The following MED13L variants were observed in gnomAD, a reference collection of about 807,000 sequenced individuals.
MED13L encodes mediator of RNA polymerase II transcription subunit 13-like.
In MED13L, 7 loss-of-function variants were observed where a neutral mutation model predicts 220.9. That is an observed-to-expected ratio of 0.03 (90% CI 0.02 to 0.06). The LOEUF is 0.06. MED13L is among the 10% of genes least tolerant of loss of function. MED13L has a pLI of 1.00. For missense variants in MED13L, 1,965 were observed against 2,760.5 expected (o/e 0.71, Z 6.46); for synonymous variants, 1,011 against 1,015.2 (o/e 1.00, Z 0.08).
rs780102627 is a variant in MED13L, at chr12:116,006,398, A to C, written c.2252T>G (p.Phe751Cys). The C allele has an allele frequency of 6.2e-7, 1 of 1,613,868 alleles. No homozygotes were observed. The highest frequency in any genetic ancestry group is 1.7e-5 in the Admixed American group (1 of 60,006). Residue 751 changes from phenylalanine to cysteine, a missense_variant, in exon 12 of 31, where the codon TTT becomes TGT. This residue lies in a region of MED13L where 818 missense variants were observed against 1,041.2 expected (regional missense o/e 0.79). Transcript: ENST00000281928. ...SLKKNKSEDG[F>C]GTKDVTTPGH... is the part of the protein sequence containing the mutation. ...TGGTGTAGTGACATCCTTGGTACCA[A>C]ATCCATCCTCTGACTGTATAATAAA...
chr12:116,163,916 T>C (rs1025581546), intron 2 of MED13L, among the ~76,000 whole-genome samples: 8 of 152,132 alleles, frequency 5.3e-5, no homozygotes, highest in Admixed American at 1.3e-4. Context: ...ATCAAATGAA[T>C]AAAGCAGTAA....
rs191744750 is a variant in MED13L, at chr12:116,172,010, T to C, written c.311-60498A>G. On this transcript the variant is annotated intron_variant, in intron 2 of 30. Coordinates refer to ENST00000281928, the MANE Select transcript of MED13L (RefSeq NM_015335.5). Reference sequence around the variant, plus strand: ...TTTATAAATGACTTCTTTCTCATTATCTAAGACTTTTGTTATTGCTTCTAA... The same window carrying C: ...TTTATAAATGACTTCTTTCTCATTACCTAAGACTTTTGTTATTGCTTCTAA... Among the ~76,000 whole-genome samples the C allele has an allele frequency of 7.2e-4, 109 of 152,322 alleles. 1 individual carries two copies. Among genetic ancestry groups the C allele is most frequent in the African/African-American group, 2.5e-3 (102 of 41,580 alleles).
At chr12:116,014,232 T>C (rs1879591210) in intron 8 of MED13L, among the ~76,000 whole-genome samples, 1 of 152,234 alleles carries the variant, frequency 6.6e-6, no homozygotes, top group African/African-American at 2.4e-5. Flanking sequence ...GTATAAAAAC[T>C]TGGAACAGTA....
At chr12:116,210,829 A>G (rs561488294) in intron 2 of MED13L, among the ~76,000 whole-genome samples, 1 of 152,152 alleles carries the variant, frequency 6.6e-6, no homozygotes. Context: ...ATGATAATGA[A>G]TAAAGAAACT....
chr12:116,050,658 C>T (rs1344288386), intron 4 of MED13L, among the ~76,000 whole-genome samples: 3 of 152,008 alleles, frequency 2.0e-5, no homozygotes, highest in Admixed American at 6.6e-5. Flanking sequence ...ATCCATTGGC[C>T]GGGCACGGTG....
At chr12:115,964,869 G>A (rs1416482020) in intron 29 of MED13L, among the ~76,000 whole-genome samples, 3 of 152,166 alleles carry the variant, frequency 2.0e-5, no homozygotes, top group African/African-American at 7.2e-5. Flanking sequence ...ACAACGGTGT[G>A]CAGGAACCAC....
chr12:115,986,201 G>T, intron 19 of MED13L, 65 bp downstream of exon 19: 2 of 1,444,212 alleles, frequency 1.4e-6, no homozygotes, highest in Non-Finnish European at 1.9e-6. Flanking sequence ...TTGAAATTTA[G>T]TCATCACTAT....
chr12:115,971,391 C>T (rs1159790733), intron 26 of MED13L, among the ~76,000 whole-genome samples: 1 of 152,216 alleles, frequency 6.6e-6, no homozygotes, highest in Non-Finnish European at 1.5e-5. Flanking sequence ...ACCCCATTCT[C>T]ACACCACAAT....
chr12:116,036,440 T>C (rs1881200159), intron 4 of MED13L, among the ~76,000 whole-genome samples: 1 of 152,226 alleles, frequency 6.6e-6, no homozygotes, highest in South Asian at 2.1e-4. Context: ...GATCATTTTA[T>C]TCTCTTACAA....
intron 18 of MED13L, 88 bp downstream of exon 18, chr12:115,987,021 T>TGA (rs1273281063): frequency 2.3e-6 from 3 of 1,323,460 alleles, no homozygotes; most frequent in African/African-American, 2.9e-5. Flanking sequence ...ATTTTGTTAG[T>TGA]GACGCAAGGA....
At chr12:116,182,555 A>G (rs1387302813) in intron 2 of MED13L, among the ~76,000 whole-genome samples, 1 of 152,176 alleles carries the variant, frequency 6.6e-6, no homozygotes, top group Non-Finnish European at 1.5e-5. Flanking sequence ...CCAGTGCCCT[A>G]CACTTCTGTA....
chr12:116,223,177 T>C (rs1330677495), intron 2 of MED13L, among the ~76,000 whole-genome samples: 1 of 152,204 alleles, frequency 6.6e-6, no homozygotes, highest in East Asian at 1.9e-4. Context: ...CCATGATGTA[T>C]TTATAAGTTA....
At chr12:116,062,287 G>A (rs1217626418) in intron 4 of MED13L, among the ~76,000 whole-genome samples, 2 of 151,292 alleles carry the variant, frequency 1.3e-5, no homozygotes, top group African/African-American at 4.9e-5. Context: ...AGAGTAGCTG[G>A]GACCATAGGC....
intron 2 of MED13L, among the ~76,000 whole-genome samples, chr12:116,180,751 T>G (rs1880458836): frequency 6.6e-6 from 1 of 152,172 alleles, no homozygotes; most frequent in African/African-American, 2.4e-5. Context: ...AAAGGTAGAA[T>G]CTTGATTAAG....
At chr12:116,133,853 G>T (rs191726555) in intron 2 of MED13L, among the ~76,000 whole-genome samples, 78 of 152,248 alleles carry the variant, frequency 5.1e-4, no homozygotes, top group Admixed American at 4.1e-3. Flanking sequence ...TAGTCCACAC[G>T]GAGCAGCCAC....
At chr12:116,250,776 CAAA>C (rs772459455) in intron 1 of MED13L, among the ~76,000 whole-genome samples, 351 of 76,760 alleles carry the variant, frequency 4.6e-3, no homozygotes, top group African/African-American at 0.016. Flanking sequence ...GACTCCTCCT[CAAA>C]AAAAAAAAAA....
At chr12:115,986,144 C>T in intron 19 of MED13L, 122 bp downstream of exon 19, 1 of 1,010,298 alleles carries the variant, frequency 9.9e-7, no homozygotes, top group Non-Finnish European at 1.5e-6. Flanking sequence ...CTTCTTCATC[C>T]ACCTGTTTGC....
chr12:115,961,126 G>T lies in MED13L; in HGVS notation c.*140C>A. 9.0e-7 allele frequency: 1 copy of T among 1,111,324 alleles called. No individual in the cohort carries two copies. The highest frequency in any genetic ancestry group is 1.3e-6 in the Non-Finnish European group (1 of 745,848). The allele number at this position is 1,111,324 out of a possible 1,614,324, so 68.8% of individuals were successfully genotyped here. A position where few individuals can be genotyped will look rare whatever the true frequency, so the allele number is the denominator to read the frequency against. On this transcript the variant is annotated 3_prime_UTR_variant, in exon 31 of 31. Transcript: ENST00000281928. ...AACACTGCAGAATTGACATGTGCCT[G>T]CTGAGAAGGAATCACAGTGCAGGAC...
chr12:116,031,695 G>GAAAAT (rs1566020424), intron 4 of MED13L, among the ~76,000 whole-genome samples: 1 of 29,110 alleles, frequency 3.4e-5, no homozygotes, highest in Non-Finnish European at 9.1e-5. Flanking sequence ...GAAAAGAAAA[G>GAAAAT]AAAAGAAAAG....
Sources: gnomAD v4.1 joint callset for allele counts (sites outside exome capture counted in the v4.1 genomes callset) on GRCh38, gnomAD v4.1.1 for gene constraint, gnomAD v4.1.1 regional missense constraint, MANE v1.5 for transcripts, NCBI Gene and HGNC (gene_info 2026-07-23, HGNC 2026-07-21) for gene names.